TTC6: variants seen among roughly 807,000 people sequenced by gnomAD.
The protein encoded by TTC6 is tetratricopeptide repeat domain 6.
TTC6 carries 172 observed loss-of-function variants against 210.4 expected under a neutral mutation model. The observed-to-expected ratio is 0.82, with a 90% CI of 0.72 to 0.93. The LOEUF is 0.93. Ranked by LOEUF, TTC6 falls within the 40% of genes least tolerant of loss-of-function variation. The pLI, the probability that TTC6 is intolerant of heterozygous loss-of-function variation, is 0.00. For synonymous variants in TTC6, 804 were observed against 819.6 expected (o/e 0.98, Z 0.32); for missense variants, 2,414 against 2,318.1 (o/e 1.04, Z -0.85).
chr14:37,608,217 CAT>C (rs1274945903), intron 2 of TTC6, among the ~76,000 whole-genome samples: 4 of 152,102 alleles, frequency 2.6e-5, no homozygotes, highest in African/African-American at 9.7e-5. Context: ...GCATAATGCA[CAT>C]GTTTCAACAA....
At chr14:37,752,467 T>C (rs2095955139) in intron 13 of TTC6, among the ~76,000 whole-genome samples, 1 of 151,940 alleles carries the variant, frequency 6.6e-6, no homozygotes, top group African/African-American at 2.4e-5. Context: ...ACCAATAGTT[T>C]AGAAATAGAG....
chr14:37,807,827 A>G (rs1245894175), intron 23 of TTC6, among the ~76,000 whole-genome samples: 1 of 152,108 alleles, frequency 6.6e-6, no homozygotes, highest in Non-Finnish European at 1.5e-5. Flanking sequence ...CTCATAATAT[A>G]TGATATATAT....
chr14:37,628,062 C>T (rs558513221), intron 1 of TTC6, among the ~76,000 whole-genome samples: 1 of 152,248 alleles, frequency 6.6e-6, no homozygotes. Flanking sequence ...CCTCCACCTC[C>T]CAGGTTTAAG....
chr14:37,696,945 A>T (rs974038695), intron 4 of TTC6, 110 bp downstream of exon 6: 1 of 470,736 alleles, frequency 2.1e-6, no homozygotes, highest in Middle Eastern at 5.7e-4. Flanking sequence ...AGAAATTCAT[A>T]TATGAGACCT....
At chr14:37,711,302 A>C (rs1023467115) in intron 5 of TTC6, among the ~76,000 whole-genome samples, 8 of 152,146 alleles carry the variant, frequency 5.3e-5, no homozygotes, top group Non-Finnish European at 1.0e-4. Flanking sequence ...AAACAAGCCT[A>C]TGCTCTACTG....
chr14:37,714,371 T>A (rs1258105835), intron 5 of TTC6, among the ~76,000 whole-genome samples: 1 of 152,182 alleles, frequency 6.6e-6, no homozygotes, highest in African/African-American at 2.4e-5. Context: ...AGTTTTTTTT[T>A]TTTTAACCTC....
chr14:37,716,225 A>G (rs1367691152), intron 6 of TTC6, among the ~76,000 whole-genome samples: 4 of 152,134 alleles, frequency 2.6e-5, no homozygotes, highest in Non-Finnish European at 5.9e-5. Flanking sequence ...CTATAAATAA[A>G]TAAAAGTAGA....
intron 1 of TTC6, among the ~76,000 whole-genome samples, chr14:37,635,981 C>CAAAAAAAAAAAAAAAAAAAAA (rs71433909): frequency 1.4e-5 from 1 of 70,356 alleles, no homozygotes; most frequent in African/African-American, 6.7e-5. Context: ...ATTCCATTTC[C>CAAAAAAAAAAAAAAAAAAAAA]AAAAAAAAAA....
At chr14:37,687,146 G>A (rs1269031659) in intron 3 of TTC6, among the ~76,000 whole-genome samples, 1 of 152,084 alleles carries the variant, frequency 6.6e-6, no homozygotes, top group Non-Finnish European at 1.5e-5. Flanking sequence ...CAGAGGGGTG[G>A]TGCAGAGAGT....
At chr14:37,826,960 T>A (rs1312639657) in intron 28 of TTC6, among the ~76,000 whole-genome samples, 1 of 152,102 alleles carries the variant, frequency 6.6e-6, no homozygotes, top group Non-Finnish European at 1.5e-5. Context: ...GGAAAGGAAC[T>A]GAGTGAAAAA....
At chr14:37,723,198 A>G (rs913021342) in intron 6 of TTC6, among the ~76,000 whole-genome samples, 2 of 152,074 alleles carry the variant, frequency 1.3e-5, no homozygotes, top group South Asian at 2.1e-4. Flanking sequence ...TAGATATTCT[A>G]GGTTCATCTT....
intron 5 of TTC6, among the ~76,000 whole-genome samples, 182 bp downstream of exon 7, chr14:37,701,708 T>C (rs2138683103): frequency 6.6e-6 from 1 of 152,290 alleles, no homozygotes; most frequent in East Asian, 1.9e-4. Flanking sequence ...CTCCATTTCC[T>C]GACAATATTA....
chr14:37,651,425 ATTTTTTTTTTT>A (rs55775703), intron 1 of TTC6, among the ~76,000 whole-genome samples: 297 of 23,662 alleles, frequency 0.013, 1 homozygote, highest in African/African-American at 0.018. Context: ...ATATATATAT[ATTTTTTTTTTT>A]TTTTTTTTTT....
At chr14:37,634,347 T>C (rs1476594244) in intron 1 of TTC6, among the ~76,000 whole-genome samples, 1 of 152,040 alleles carries the variant, frequency 6.6e-6, no homozygotes, top group Admixed American at 6.6e-5. Context: ...AAATAAAAAC[T>C]CAGCAAATGG....
intron 14 of TTC6, among the ~76,000 whole-genome samples, chr14:37,782,810 C>G (rs1467064274): frequency 3.3e-5 from 5 of 152,044 alleles, no homozygotes; most frequent in Non-Finnish European, 7.3e-5. Flanking sequence ...CCATCAATAT[C>G]TAATTTATTT....
At chr14:37,693,377 A>C (rs2095808056) in intron 3 of TTC6, among the ~76,000 whole-genome samples, 1 of 152,152 alleles carries the variant, frequency 6.6e-6, no homozygotes, top group Non-Finnish European at 1.5e-5. Context: ...AGAGGACCAA[A>C]AAATGGAAAG....
At chr14:37,642,845 C>T (rs2139390474) in intron 1 of TTC6, among the ~76,000 whole-genome samples, 1 of 152,250 alleles carries the variant, frequency 6.6e-6, no homozygotes, top group Admixed American at 6.5e-5. Flanking sequence ...CCAACTGTAA[C>T]ATAATAGAAA....
chr14:37,834,680 C>A (rs1025275169), intron 29 of TTC6, among the ~76,000 whole-genome samples: 1 of 152,032 alleles, frequency 6.6e-6, no homozygotes, highest in Non-Finnish European at 1.5e-5. Flanking sequence ...CACAAAATTT[C>A]TTTTCTTTGG....
At chr14:37,780,136 A>G (rs1020471292) in intron 14 of TTC6, among the ~76,000 whole-genome samples, 4 of 152,230 alleles carry the variant, frequency 2.6e-5, no homozygotes, top group African/African-American at 4.8e-5. Context: ...AGAAACATAT[A>G]TATGCTCAAA....
Sources: gnomAD v4.1 joint callset for allele counts (sites outside exome capture counted in the v4.1 genomes callset) on GRCh38, gnomAD v4.1.1 for gene constraint, MANE v1.5 for transcripts, NCBI Gene and HGNC (gene_info 2026-07-23, HGNC 2026-07-21) for gene names.